The following SRP54 variants were observed in gnomAD, a reference collection of about 807,000 sequenced individuals.
SRP54 encodes the protein signal recognition particle 54.
A neutral mutation model predicts 64.8 loss-of-function variants in SRP54; 10 were observed. That is an observed-to-expected ratio of 0.15 (90% CI 0.10 to 0.26). The LOEUF is 0.26. Among genes scored for constraint, SRP54 ranks in the 10% least tolerant of loss-of-function variants. The pLI, the probability that SRP54 is intolerant of heterozygous loss-of-function variation, is 1.00. For synonymous variants in SRP54, 193 were observed against 185.6 expected (o/e 1.04, Z -0.32); for missense variants, 325 against 613.7 (o/e 0.53, Z 4.97).
chr14:34,992,693 G>C (rs2043999625), intron 1 of SRP54, among the ~76,000 whole-genome samples: 1 of 151,960 alleles, frequency 6.6e-6, no homozygotes, highest in Non-Finnish European at 1.5e-5. Flanking sequence ...TGGGTTCAAG[G>C]TTCAATATTT....
chr14:35,008,873 T>TTGTC, intron 7 of SRP54, 42 bp downstream of exon 7: 1 of 1,395,934 alleles, frequency 7.2e-7, no homozygotes, highest in Non-Finnish European at 9.8e-7. Flanking sequence ...ATCCCTCTTC[T>TTGTC]TGTCTGTCAG....
chr14:35,018,960 T>C lies in SRP54; in HGVS notation c.1048-6T>C, dbSNP rs2044483318. On this transcript the variant is annotated splice_region_variant and splice_polypyrimidine_tract_variant and intron_variant, in intron 12 of 15. Coordinates refer to ENST00000216774, the MANE Select transcript of SRP54 (RefSeq NM_003136.4). ...ACTATTGACTTTATGTTTAAATCTG[T>C]TGTAGGGGATGATCCCTGGTTTTGG... The C allele has an allele frequency of 6.2e-7, 1 of 1,610,752 alleles. No individual in the cohort carries two copies. The highest frequency in any genetic ancestry group is 2.2e-5 in the East Asian group (1 of 44,770).
Position 35,025,406 on chromosome 14 carries a change from CAT to C in SRP54, c.1327+2327_1327+2328del, listed in dbSNP as rs1382261200. Reference sequence around the variant, plus strand: ...TTTTGTGACAAAAAAATTAGACAAACATGTTGAAAATTGGTTATAATTCCTAC... The same window carrying C: ...TTTTGTGACAAAAAAATTAGACAAACGTTGAAAATTGGTTATAATTCCTAC... On this transcript the variant is annotated intron_variant, in intron 14 of 15. Transcript: ENST00000216774. 9.9e-5 allele frequency among the ~76,000 whole-genome samples: 15 copies of C among 152,280 alleles called. No individual in the cohort carries two copies. In the East Asian group the frequency reaches 2.5e-3, roughly 25 times the overall value.
intron 11 of SRP54, among the ~76,000 whole-genome samples, chr14:35,017,362 G>A (rs2044460656): frequency 6.6e-6 from 1 of 152,012 alleles, no homozygotes; most frequent in Admixed American, 6.6e-5. Context: ...TGTTTTCCTT[G>A]GTTCCTAATA....
At chr14:35,006,844 T>A (rs545306082) in intron 4 of SRP54, among the ~76,000 whole-genome samples, 1 of 152,324 alleles carries the variant, frequency 6.6e-6, no homozygotes, top group South Asian at 2.1e-4. Context: ...AGGGGAATAA[T>A]TGTATTATAA....
At chr14:35,019,310 A>G in intron 13 of SRP54, 1 of 330,646 alleles carries the variant, frequency 3.0e-6, no homozygotes. Context: ...AGGAAAGAAC[A>G]CTAGTTCTTC....
Position 35,011,526 on chromosome 14 carries a change from CT to C in SRP54, c.504del (p.Val169SerfsTer8), listed in dbSNP as rs1357701182. The C allele has an allele frequency of 6.5e-7, 1 of 1,544,604 alleles. No homozygotes were observed. The highest frequency in any genetic ancestry group is 8.8e-7 in the Non-Finnish European group (1 of 1,138,912). ...TTATATAGCTATACAGAAATGGATC[CT>C]GTCATCATTGCTTCTGAAGGAGTAG... The part of the protein sequence containing the change: ...PFYGSYTEMD[P>X]VIIASEGVEK... On this transcript the variant is annotated frameshift_variant, in exon 8 of 16. Coordinates refer to ENST00000216774, the MANE Select transcript of SRP54 (RefSeq NM_003136.4). LOFTEE classifies it high-confidence loss of function.
intron 4 of SRP54, among the ~76,000 whole-genome samples, chr14:35,004,302 A>T (rs1206668806): frequency 6.6e-6 from 1 of 152,184 alleles, no homozygotes; most frequent in African/African-American, 2.4e-5. Context: ...CATGAGTTTG[A>T]CAGTATCCCA....
chr14:35,018,853 G>C, intron 12 of SRP54, 88 bp downstream of exon 12: 1 of 1,421,340 alleles, frequency 7.0e-7, no homozygotes, highest in Non-Finnish European at 9.7e-7. Flanking sequence ...TTTTACATTC[G>C]GGTAAAAATA....
intron 1 of SRP54, among the ~76,000 whole-genome samples, chr14:34,991,985 G>A (rs1260230696): frequency 6.6e-6 from 1 of 152,216 alleles, no homozygotes; most frequent in Non-Finnish European, 1.5e-5. Flanking sequence ...CCAGGCTGGA[G>A]TGCAGTGGCA....
At chr14:35,011,429 T>G in intron 7 of SRP54, 80 bp from the exon 8 acceptor site, 1 of 1,179,808 alleles carries the variant, frequency 8.5e-7, no homozygotes, top group Admixed American at 2.8e-5. Flanking sequence ...TCAAAATAGA[T>G]TATAGGTAAA....
At chr14:35,028,818 T>TCC (rs2044676298) in intron 15 of SRP54, among the ~76,000 whole-genome samples, 1 of 152,202 alleles carries the variant, frequency 6.6e-6, no homozygotes, top group Non-Finnish European at 1.5e-5. Context: ...TAAGATCTTT[T>TCC]TATGTATCAC....
chr14:34,993,804 ACCTGTCTCAG>A (rs999872554), intron 1 of SRP54, among the ~76,000 whole-genome samples: 2 of 149,754 alleles, frequency 1.3e-5, no homozygotes, highest in African/African-American at 4.9e-5. Flanking sequence ...CAAGCGATTC[ACCTGTCTCAG>A]CCTCCCAAGT....
At chr14:35,001,081 C>G (rs1345677704) in intron 4 of SRP54, 61 bp downstream of exon 4, 4 of 718,140 alleles carry the variant, frequency 5.6e-6, no homozygotes, top group Non-Finnish European at 8.7e-6. Flanking sequence ...AGCGTTAGCA[C>G]TACAAATATT....
rs532831292 is a variant in SRP54, at chr14:35,022,981, T to G, written c.1228T>G (p.Ser410Ala). The stretch of plus-strand genomic sequence containing the variant: ...AAGAATCCAAAGAGTAGCAAGAGGA[T>G]CGGGTGTATCAACAAGAGATGTTCA... ...PGRIQRVARG[S>A]GVSTRDVQEL... is the part of the protein sequence containing the mutation. The change falls in exon 14 of 16, where the codon TCG becomes GCG. Residue 410 changes from serine to alanine, a missense_variant. By Grantham distance (99) the Ser-to-Ala change is moderately conservative. This residue lies in a region of SRP54 where 146 missense variants were observed against 337.4 expected (regional missense o/e 0.43). Coordinates refer to ENST00000216774, the MANE Select transcript of SRP54 (RefSeq NM_003136.4). The G allele has an allele frequency of 2.5e-6, 4 of 1,613,916 alleles. No individual in the cohort carries two copies. The African/African-American group carries it at 4.0e-5, about 16-fold the overall frequency.
At chr14:34,986,293 A>G (rs1286361577) in intron 1 of SRP54, among the ~76,000 whole-genome samples, 2 of 152,212 alleles carry the variant, frequency 1.3e-5, no homozygotes, top group Non-Finnish European at 2.9e-5. Flanking sequence ...TGCTAAGTTA[A>G]GACAGAGGTG....
intron 10 of SRP54, 79 bp downstream of exon 10, chr14:35,013,981 G>T: frequency 9.7e-7 from 1 of 1,033,184 alleles, no homozygotes; most frequent in East Asian, 2.4e-5. Context: ...TTTTAATTCT[G>T]TCCTCACTAA....
intron 4 of SRP54, among the ~76,000 whole-genome samples, chr14:35,002,345 C>A (rs577552855): frequency 2.0e-5 from 3 of 152,150 alleles, no homozygotes; most frequent in East Asian, 1.9e-4. Flanking sequence ...GAGGGTGAGA[C>A]CCTGTCTTTA....
chr14:35,024,180 A>C (rs2044582218), intron 14 of SRP54, among the ~76,000 whole-genome samples: 1 of 151,996 alleles, frequency 6.6e-6, no homozygotes, highest in South Asian at 2.1e-4. Flanking sequence ...GGCATGCACC[A>C]CTACCGCCTG....
Sources: allele counts gnomAD v4.1 joint callset (sites outside exome capture counted in the v4.1 genomes callset), GRCh38; gene constraint gnomAD v4.1.1; regional missense constraint gnomAD v4.1.1; transcripts MANE v1.5; gene names NCBI Gene and HGNC (gene_info 2026-07-23, HGNC 2026-07-21).